The following LRP1B variants were observed in gnomAD, a reference collection of about 807,000 sequenced individuals.
LRP1B encodes LDL receptor related protein 1B.
In LRP1B, 217 loss-of-function variants were observed where a neutral mutation model predicts 556.6. That is an observed-to-expected ratio of 0.39 (90% CI 0.35 to 0.44). The LOEUF is 0.44. Ranked by LOEUF, LRP1B falls within the 20% of genes least tolerant of loss-of-function variation. LRP1B has a pLI of 1.00. For synonymous variants in LRP1B, 2,047 were observed against 1,865.8 expected, an observed-to-expected ratio of 1.10 and a Z score of -2.50; for missense variants, 5,053 against 5,620.8, an observed-to-expected ratio of 0.90 and a Z score of 3.23.
At chr2:140,344,575 A>T (rs1681558215) in intron 77 of LRP1B, among the ~76,000 whole-genome samples, 1 of 151,872 alleles carries the variant, frequency 6.6e-6, no homozygotes, top group Non-Finnish European at 1.5e-5. Flanking sequence ...TAATGACTCC[A>T]AGATGCTTAT....
intron 1 of LRP1B, among the ~76,000 whole-genome samples, chr2:141,813,655 G>C (rs966155680): frequency 1.3e-5 from 2 of 152,086 alleles, no homozygotes; most frequent in East Asian, 3.9e-4. Context: ...TAACAGTGTT[G>C]CAACTTTTTC....
chr2:140,928,369 A>G (rs1694946856), intron 20 of LRP1B, among the ~76,000 whole-genome samples: 1 of 152,108 alleles, frequency 6.6e-6, no homozygotes, highest in Non-Finnish European at 1.5e-5. Flanking sequence ...CACATATACA[A>G]CTTAATTATG....
intron 1 of LRP1B, among the ~76,000 whole-genome samples, chr2:142,038,812 A>G (rs1703970268): frequency 6.6e-6 from 1 of 151,650 alleles, no homozygotes; most frequent in Non-Finnish European, 1.5e-5. Context: ...TAAGCAAGAT[A>G]CAGCATTTTT....
chr2:140,863,513 C>A (rs745383160), intron 27 of LRP1B, among the ~76,000 whole-genome samples: 1 of 152,116 alleles, frequency 6.6e-6, no homozygotes, highest in South Asian at 2.1e-4. Flanking sequence ...AACCATTTAT[C>A]CCAGAGGAAA....
intron 2 of LRP1B, among the ~76,000 whole-genome samples, chr2:141,613,456 T>A (rs2105325481): frequency 6.6e-6 from 1 of 152,324 alleles, no homozygotes; most frequent in Non-Finnish European, 1.5e-5. Context: ...TATTGCTTGT[T>A]TATTAAATTT....
chr2:141,316,559 G>A (rs893305029), intron 3 of LRP1B, among the ~76,000 whole-genome samples: 23 of 152,076 alleles, frequency 1.5e-4, no homozygotes, highest in African/African-American at 5.3e-4. Flanking sequence ...TACCTCTTAG[G>A]GGCAATGATG....
intron 41 of LRP1B, among the ~76,000 whole-genome samples, chr2:140,690,445 A>C (rs1309671044): frequency 6.6e-6 from 1 of 152,008 alleles, no homozygotes; most frequent in Non-Finnish European, 1.5e-5. Context: ...AAGAAAATTC[A>C]TATGCTTTTT....
chr2:140,280,887 A>G (rs1202269645), intron 84 of LRP1B, among the ~76,000 whole-genome samples: 1 of 151,824 alleles, frequency 6.6e-6, no homozygotes, highest in Non-Finnish European at 1.5e-5. Context: ...AACCCTTTAT[A>G]TTCACAATAT....
At chr2:140,483,221 A>G (rs995264998) in intron 59 of LRP1B, among the ~76,000 whole-genome samples, 13 of 152,132 alleles carry the variant, frequency 8.5e-5, no homozygotes, top group Non-Finnish European at 1.8e-4. Flanking sequence ...AAATGAAATC[A>G]ATGGAGTCTT....
At chr2:141,099,766 T>G (rs1700413350) in intron 7 of LRP1B, among the ~76,000 whole-genome samples, 1 of 152,232 alleles carries the variant, frequency 6.6e-6, no homozygotes, top group Admixed American at 6.5e-5. Context: ...AAGAGGGCTG[T>G]CAACTAAATA....
intron 2 of LRP1B, among the ~76,000 whole-genome samples, chr2:141,759,267 C>T (rs866065446): frequency 1.1e-4 from 16 of 152,102 alleles, no homozygotes; most frequent in African/African-American, 3.6e-4. Flanking sequence ...AAGCTCTAAA[C>T]TCATTTGCAG....
At chr2:140,811,579 G>C (rs1690926878) in intron 32 of LRP1B, among the ~76,000 whole-genome samples, 1 of 151,994 alleles carries the variant, frequency 6.6e-6, no homozygotes, top group African/African-American at 2.4e-5. Context: ...GTTTCATAAA[G>C]TACATTGGAA....
Position 141,810,121 on chromosome 2 carries a change from GAA to G in LRP1B, c.205+156_205+157del, listed in dbSNP as rs1416396476. 4.7e-4 allele frequency among the ~76,000 whole-genome samples: 41 copies of G among 86,610 alleles called. No individual in the cohort carries two copies. The South Asian group carries it at 0.014, about 29-fold the overall frequency. 56.8% of individuals were successfully genotyped at this position (86,610 alleles called of 152,430 possible). ...AAAGAAAGAAAGAAAGAAAAAGAAA[GAA>G]AGAAAGAAAGAAAGAAAGAAAGAAA... On this transcript the variant is annotated intron_variant, in intron 2 of 90. Transcript: ENST00000389484.
chr2:140,302,615 A>C (rs1345630590), intron 83 of LRP1B, among the ~76,000 whole-genome samples: 1 of 152,222 alleles, frequency 6.6e-6, no homozygotes, highest in East Asian at 1.9e-4. Context: ...TTGGCATTGG[A>C]ATCAGCAGAC....
chr2:140,986,015 A>C (rs1241737453), intron 17 of LRP1B, among the ~76,000 whole-genome samples: 1 of 151,602 alleles, frequency 6.6e-6, no homozygotes, highest in Non-Finnish European at 1.5e-5. Flanking sequence ...ACATATTATA[A>C]TACTATTCCT....
rs535673058 is a variant in LRP1B at position 141,854,378 on chromosome 2, A to G, written c.83-43977T>C. Among the ~76,000 whole-genome samples the G allele has an allele frequency of 3.9e-5, 6 of 152,178 alleles. No homozygotes were observed. In the South Asian group the frequency reaches 1.0e-3, roughly 26 times the overall value. ...AATTGCCATTTCATCAGAAAGGGATATTTTATCATCTCTTTAAAATGTGAC... is the reference window on the plus strand; with the variant it reads ...AATTGCCATTTCATCAGAAAGGGATGTTTTATCATCTCTTTAAAATGTGAC... On this transcript the variant is annotated intron_variant, in intron 1 of 90. Coordinates refer to ENST00000389484, the MANE Select transcript of LRP1B (RefSeq NM_018557.3).
intron 10 of LRP1B, among the ~76,000 whole-genome samples, chr2:141,052,424 T>C (rs888502387): frequency 6.6e-6 from 1 of 151,760 alleles, no homozygotes; most frequent in East Asian, 1.9e-4. Context: ...TCAAAAACTT[T>C]CCTTTCAATG....
chr2:142,117,245 C>G (rs1285362506), intron 1 of LRP1B, among the ~76,000 whole-genome samples: 1 of 152,152 alleles, frequency 6.6e-6, no homozygotes, highest in African/African-American at 2.4e-5. Context: ...CATTAAACCT[C>G]TGCTGGGTCA....
chr2:141,069,726 T>C (rs1699582223), intron 7 of LRP1B, among the ~76,000 whole-genome samples: 1 of 152,168 alleles, frequency 6.6e-6, no homozygotes. Context: ...CCCTCATTCT[T>C]AGGCTGTAAT....
Sources: allele counts gnomAD v4.1 joint callset (sites outside exome capture counted in the v4.1 genomes callset), GRCh38; gene constraint gnomAD v4.1.1; transcripts MANE v1.5; gene names NCBI Gene and HGNC (gene_info 2026-07-23, HGNC 2026-07-21).